Variants in MDGA2 observed in about 807,000 individuals in gnomAD.
MDGA2 encodes the protein MAM domain containing glycosylphosphatidylinositol anchor 2.
In MDGA2, 40 loss-of-function variants were observed where a neutral mutation model predicts 117.8. That is an observed-to-expected ratio of 0.34 (90% CI 0.26 to 0.44). The LOEUF (loss-of-function observed/expected upper bound fraction) is 0.44, where lower values mean the gene tolerates loss of function less well. Ranked by LOEUF, MDGA2 falls within the 20% of genes least tolerant of loss-of-function variation. The pLI, the probability that MDGA2 is intolerant of heterozygous loss-of-function variation, is 1.00. For synonymous variants in MDGA2, 452 were observed against 439.0 expected (o/e 1.03, Z -0.37); for missense variants, 1,123 against 1,250.6 (o/e 0.90, Z 1.54).
At chr14:47,354,734 C>T (rs941120825) in intron 1 of MDGA2, among the ~76,000 whole-genome samples, 14 of 152,198 alleles carry the variant, frequency 9.2e-5, no homozygotes, top group African/African-American at 2.9e-4. Context: ...GTCACCCAAG[C>T]GATCAAACAA....
intron 10 of MDGA2, among the ~76,000 whole-genome samples, chr14:46,915,202 C>T (rs940392136): frequency 1.1e-4 from 16 of 152,026 alleles, no homozygotes; most frequent in Middle Eastern, 3.2e-3. Context: ...ATTTCTTTAT[C>T]CAAAGGTGAT....
intron 1 of MDGA2, among the ~76,000 whole-genome samples, chr14:47,361,260 TCAGAGTGCTTGTGTGCG>T (rs1425262611): frequency 2.3e-5 from 3 of 128,072 alleles, no homozygotes; most frequent in Non-Finnish European, 5.0e-5. Context: ...CAAATAAACA[TCAGAGTGCTTGTGTGCG>T]CAGAGGTACA....
At chr14:46,946,646 G>C (rs1250920663) in intron 9 of MDGA2, among the ~76,000 whole-genome samples, 1 of 152,016 alleles carries the variant, frequency 6.6e-6, no homozygotes, top group Non-Finnish European at 1.5e-5. Context: ...TAATTTCTGG[G>C]TTTGACAATA....
intron 1 of MDGA2, among the ~76,000 whole-genome samples, chr14:47,610,438 C>G (rs1896826516): frequency 6.6e-6 from 1 of 151,904 alleles, no homozygotes; most frequent in Admixed American, 6.6e-5. Flanking sequence ...CAGAAAGCTC[C>G]TAGAATAAAA....
chr14:47,107,640 C>A (rs1176073621), intron 5 of MDGA2, among the ~76,000 whole-genome samples: 3 of 151,310 alleles, frequency 2.0e-5, no homozygotes, highest in Non-Finnish European at 2.9e-5. Context: ...TAAAAACACA[C>A]GTGCTCTCCC....
At chr14:46,845,468 C>A (rs1308170379) in intron 16 of MDGA2, among the ~76,000 whole-genome samples, 1 of 152,076 alleles carries the variant, frequency 6.6e-6, no homozygotes, top group Non-Finnish European at 1.5e-5. Flanking sequence ...GTTTTTAAAT[C>A]TTCTAAAACA....
chr14:47,542,696 T>C (rs749942480), intron 1 of MDGA2, among the ~76,000 whole-genome samples: 1 of 152,204 alleles, frequency 6.6e-6, no homozygotes, highest in Non-Finnish European at 1.5e-5. Flanking sequence ...TACCTACAAG[T>C]CAACTGGAGT....
chr14:47,168,318 G>C (rs1258140836), intron 3 of MDGA2, among the ~76,000 whole-genome samples: 1 of 138,046 alleles, frequency 7.2e-6, no homozygotes, highest in Admixed American at 7.4e-5. Flanking sequence ...TTAACATCTT[G>C]ACCACAATTA....
chr14:47,107,058 A>G (rs1880738552), intron 5 of MDGA2, among the ~76,000 whole-genome samples: 1 of 128,672 alleles, frequency 7.8e-6, no homozygotes, highest in African/African-American at 3.2e-5. Context: ...CACCTCTTCT[A>G]TCCCCCCACC....
chr14:47,169,466 T>A (rs1884031012), intron 3 of MDGA2, among the ~76,000 whole-genome samples: 1 of 151,846 alleles, frequency 6.6e-6, no homozygotes, highest in Admixed American at 6.6e-5. Flanking sequence ...AACTATAACT[T>A]CTCAAAATAT....
intron 4 of MDGA2, among the ~76,000 whole-genome samples, chr14:47,134,449 T>A (rs942971250): frequency 2.6e-5 from 4 of 151,996 alleles, no homozygotes; most frequent in African/African-American, 4.8e-5. Context: ...TTATTACAGA[T>A]AATCAATAGA....
intron 4 of MDGA2, among the ~76,000 whole-genome samples, chr14:47,135,601 T>G (rs1248228395): frequency 2.0e-5 from 3 of 152,130 alleles, no homozygotes; most frequent in African/African-American, 7.2e-5. Flanking sequence ...TTTCTAATTC[T>G]CTTTTCTTTT....
intron 3 of MDGA2, among the ~76,000 whole-genome samples, chr14:47,144,954 G>T (rs1882881045): frequency 6.6e-6 from 1 of 151,022 alleles, no homozygotes; most frequent in African/African-American, 2.4e-5. Flanking sequence ...AGACCTCTTT[G>T]TCTTAATATA....
Position 47,378,137 on chromosome 14 carries a change from A to T in MDGA2, c.281-76587T>A, listed in dbSNP as rs143588215. On this transcript the variant is annotated intron_variant, in intron 1 of 16. Transcript: ENST00000399232. ...CTACAGCAAACTCCAACAGACCTGC[A>T]GCTGAGGGTCCTGACTGTTAGAAGG... is the stretch of plus-strand genomic sequence containing the variant. 1.9e-3 allele frequency among the ~76,000 whole-genome samples: 288 copies of T among 152,332 alleles called. 2 individuals carry two copies. The highest frequency in any genetic ancestry group is 6.1e-3 in the African/African-American group (255 of 41,576).
intron 6 of MDGA2, among the ~76,000 whole-genome samples, chr14:47,071,297 C>A (rs1890272275): frequency 6.6e-6 from 1 of 152,094 alleles, no homozygotes; most frequent in Non-Finnish European, 1.5e-5. Flanking sequence ...TCTGTTTAAT[C>A]TTTAATGCCC....
chr14:47,141,893 G>A (rs1427830684), intron 4 of MDGA2, among the ~76,000 whole-genome samples: 2 of 152,148 alleles, frequency 1.3e-5, no homozygotes, highest in Non-Finnish European at 2.9e-5. Context: ...ATGAAGAAAT[G>A]ATAAATGTAT....
chr14:47,035,396 G>A (rs1439519002), intron 7 of MDGA2, 92 bp from the exon 8 acceptor site: 1 of 1,029,026 alleles, frequency 9.7e-7, no homozygotes. Context: ...AATTTCTGCT[G>A]GCTGAAGAAA....
intron 1 of MDGA2, among the ~76,000 whole-genome samples, chr14:47,592,401 T>C (rs1402368155): frequency 1.3e-5 from 2 of 152,006 alleles, no homozygotes; most frequent in Non-Finnish European, 2.9e-5. Flanking sequence ...TTAAAATTCA[T>C]ACAGAACCAA....
intron 8 of MDGA2, among the ~76,000 whole-genome samples, chr14:46,978,048 T>C (rs2138365701): frequency 6.6e-6 from 1 of 152,088 alleles, no homozygotes; most frequent in East Asian, 1.9e-4. Flanking sequence ...AGTATGTTTC[T>C]CATTTTATTT....
Sources: allele counts gnomAD v4.1 joint callset (sites outside exome capture counted in the v4.1 genomes callset), GRCh38; gene constraint gnomAD v4.1.1; transcripts MANE v1.5; gene names NCBI Gene and HGNC (gene_info 2026-07-23, HGNC 2026-07-21).